MDGA2: variants seen among roughly 807,000 people sequenced by gnomAD.
MDGA2 encodes the protein MAM domain containing glycosylphosphatidylinositol anchor 2, also known as MAM domain-containing glycosylphosphatidylinositol anchor protein 2.
In MDGA2, 40 loss-of-function variants were observed where a neutral mutation model predicts 117.8. The observed-to-expected ratio is 0.34, with a 90% CI of 0.26 to 0.44. The LOEUF (loss-of-function observed/expected upper bound fraction) is 0.44. Among genes scored for constraint, MDGA2 ranks in the 20% least tolerant of loss-of-function variants. The probability of loss-of-function intolerance (pLI) is 1.00; values close to 1 mark genes in which losing one functional copy is unlikely to be tolerated. For missense variants in MDGA2, 1,123 were observed against 1,250.6 expected (o/e 0.90, Z 1.54); for synonymous variants, 452 against 439.0 (o/e 1.03, Z -0.37).
At chr14:47,263,154 C>T (rs187966359) in intron 2 of MDGA2, among the ~76,000 whole-genome samples, 2 of 152,218 alleles carry the variant, frequency 1.3e-5, no homozygotes, top group East Asian at 3.9e-4. Flanking sequence ...GATGCTACTA[C>T]TTTAAGTTTT....
chr14:47,100,625 C>T (rs1407421989), intron 5 of MDGA2, among the ~76,000 whole-genome samples: 4 of 151,702 alleles, frequency 2.6e-5, no homozygotes, highest in Non-Finnish European at 5.9e-5. Context: ...AAAAATCAAA[C>T]ATGAAAACTG....
Position 47,452,718 on chromosome 14 carries a change from T to C in MDGA2, c.281-151168A>G, listed in dbSNP as rs549307258. ...ACCAAGGATACATTTCCCAGTCCCA[T>C]TGCATTCTAGATGGGGTCATTTAAC... On this transcript the variant is annotated intron_variant, in intron 1 of 16. Coordinates refer to ENST00000399232, the MANE Select transcript of MDGA2 (RefSeq NM_001113498.3). Among the ~76,000 whole-genome samples the C allele has an allele frequency of 2.2e-4, 34 of 152,178 alleles. No homozygotes were observed. In the East Asian group the frequency reaches 3.7e-3, roughly 16 times the overall value.
chr14:47,540,292 C>T (rs1895317216), intron 1 of MDGA2, among the ~76,000 whole-genome samples: 1 of 151,924 alleles, frequency 6.6e-6, no homozygotes, highest in Non-Finnish European at 1.5e-5. Context: ...GGATTACAGG[C>T]GTGGGCCACC....
intron 1 of MDGA2, among the ~76,000 whole-genome samples, chr14:47,533,770 G>T (rs1895150500): frequency 6.6e-6 from 1 of 152,136 alleles, no homozygotes; most frequent in Non-Finnish European, 1.5e-5. Flanking sequence ...GAAAAAATAA[G>T]TAACTTCTGA....
At chr14:47,612,168 T>C (rs1240319133) in intron 1 of MDGA2, among the ~76,000 whole-genome samples, 1 of 151,952 alleles carries the variant, frequency 6.6e-6, no homozygotes, top group Non-Finnish European at 1.5e-5. Context: ...ATCACTGCAT[T>C]CACCAAATTA....
At chr14:47,034,274 A>G (rs971808076) in intron 8 of MDGA2, among the ~76,000 whole-genome samples, 2 of 152,196 alleles carry the variant, frequency 1.3e-5, no homozygotes, top group African/African-American at 4.8e-5. Context: ...GGTATTTTTA[A>G]TGATAAAATC....
chr14:46,964,409 CTA>C (rs1468186405), intron 8 of MDGA2, among the ~76,000 whole-genome samples: 3 of 152,250 alleles, frequency 2.0e-5, no homozygotes, highest in South Asian at 2.1e-4. Flanking sequence ...GAGTCTGACA[CTA>C]TGAGTGGAGT....
At chr14:47,411,241 G>A (rs1230329436) in intron 1 of MDGA2, among the ~76,000 whole-genome samples, 1 of 151,988 alleles carries the variant, frequency 6.6e-6, no homozygotes, top group Non-Finnish European at 1.5e-5. Flanking sequence ...TCTATCCAGT[G>A]TGAAGGGGTT....
intron 8 of MDGA2, among the ~76,000 whole-genome samples, chr14:47,025,139 G>C (rs182478165): frequency 9.3e-4 from 142 of 152,228 alleles, no homozygotes; most frequent in Admixed American, 3.9e-3. Flanking sequence ...TAAAAGAATT[G>C]CTAAGAGTTT....
intron 1 of MDGA2, among the ~76,000 whole-genome samples, chr14:47,348,314 C>G (rs1186992167): frequency 2.0e-5 from 3 of 151,548 alleles, no homozygotes; most frequent in South Asian, 2.1e-4. Flanking sequence ...CAGGTTCAAG[C>G]GATTCTCATG....
At chr14:47,326,831 T>C (rs1467443600) in intron 1 of MDGA2, among the ~76,000 whole-genome samples, 2 of 152,174 alleles carry the variant, frequency 1.3e-5, no homozygotes, top group East Asian at 3.9e-4. Flanking sequence ...AGTTAAATAA[T>C]GTATTGTTCC....
chr14:47,600,479 GTCTAA>G (rs1028835713), intron 1 of MDGA2, among the ~76,000 whole-genome samples: 10 of 152,056 alleles, frequency 6.6e-5, no homozygotes, highest in African/African-American at 2.2e-4. Flanking sequence ...CAGGAAAATA[GTCTAA>G]TACTTGACCT....
intron 1 of MDGA2, among the ~76,000 whole-genome samples, chr14:47,363,361 A>G (rs1891166088): frequency 6.6e-6 from 1 of 152,008 alleles, no homozygotes; most frequent in African/African-American, 2.4e-5. Context: ...GGGTTCAAGC[A>G]ATTCTCCTGC....
At position 47,252,606 on chromosome 14, in the gene MDGA2, T is replaced by C. The variant is rs566664665; in HGVS notation, c.421-34411A>G. 2.2e-4 allele frequency among the ~76,000 whole-genome samples: 34 copies of C among 152,316 alleles called. No individual in the cohort carries two copies. In the South Asian group the frequency reaches 6.6e-3, roughly 30 times the overall value. On this transcript the variant is annotated intron_variant, in intron 2 of 16. Coordinates refer to ENST00000399232, the MANE Select transcript of MDGA2 (RefSeq NM_001113498.3). ...TGCAAATTGAGACACACTGACATTA[T>C]ACCATTTTGGTGATGAAACACAAGT... is the stretch of plus-strand genomic sequence containing the variant.
chr14:47,398,113 T>C lies in MDGA2; in HGVS notation c.281-96563A>G, dbSNP rs148324335. 3.9e-4 allele frequency among the ~76,000 whole-genome samples: 60 copies of C among 152,284 alleles called. No homozygotes were observed. The East Asian group carries it at 0.01, about 25-fold the overall frequency. The stretch of plus-strand genomic sequence containing the variant: ...CTGAGGTCACATGATTGGTGTCTGG[T>C]CCAGGTATCAAACCCACAGTGGTTT... On this transcript the variant is annotated intron_variant, in intron 1 of 16. Coordinates refer to ENST00000399232, the MANE Select transcript of MDGA2 (RefSeq NM_001113498.3).
At chr14:47,464,284 G>GC (rs781593845) in intron 1 of MDGA2, among the ~76,000 whole-genome samples, 2 of 151,974 alleles carry the variant, frequency 1.3e-5, no homozygotes, top group Non-Finnish European at 2.9e-5. Context: ...TTTCTCACAA[G>GC]TATTTGAATT....
intron 16 of MDGA2, 25 bp from the exon 17 acceptor site, chr14:46,842,044 A>C (rs781529063): frequency 8.4e-6 from 13 of 1,549,020 alleles, no homozygotes; most frequent in Non-Finnish European, 1.2e-5. Flanking sequence ...AATAAATGCA[A>C]ACAAAAAAAG....
intron 2 of MDGA2, among the ~76,000 whole-genome samples, chr14:47,284,909 A>C (rs1343995913): frequency 2.6e-5 from 4 of 152,252 alleles, no homozygotes; most frequent in Non-Finnish European, 4.4e-5. Context: ...TATAGTTTTT[A>C]GTTTAATCCA....
intron 1 of MDGA2, chr14:47,626,633 G>C (rs1020012072): frequency 2.0e-5 from 3 of 152,560 alleles, no homozygotes; most frequent in African/African-American, 7.2e-5. Context: ...CGTGGCCTTG[G>C]CGGGCCCCGC....
Sources: allele counts gnomAD v4.1 joint callset (sites outside exome capture counted in the v4.1 genomes callset), GRCh38; gene constraint gnomAD v4.1.1; transcripts MANE v1.5; gene names NCBI Gene and HGNC (gene_info 2026-07-23, HGNC 2026-07-21).